TIAM1: variants seen among roughly 807,000 people sequenced by gnomAD.
TIAM1 encodes the protein TIAM Rac1 associated GEF 1, also known as rho guanine nucleotide exchange factor TIAM1.
Under a neutral mutation model 163.5 loss-of-function variants are expected in TIAM1, and 65 were observed. That is an observed-to-expected ratio of 0.40 (90% CI 0.33 to 0.49). The LOEUF (loss-of-function observed/expected upper bound fraction) is 0.49. TIAM1 is among the 20% of genes least tolerant of loss of function. TIAM1 has a pLI of 0.77. For missense variants in TIAM1, 1,789 were observed against 2,044.7 expected, an observed-to-expected ratio of 0.87 and a Z score of 2.41; for synonymous variants, 833 against 810.1, an observed-to-expected ratio of 1.03 and a Z score of -0.48.
rs193139136 is a variant in TIAM1, at chr21:31,295,287, G to C, written c.-188-18379C>G. Among the ~76,000 whole-genome samples the C allele has an allele frequency of 3.8e-3, 584 of 152,150 alleles. 5 individuals are homozygous for C. Among genetic ancestry groups the C allele is most frequent in the Non-Finnish European group, 6.7e-3 (456 of 68,000 alleles). On this transcript the variant is annotated intron_variant, in intron 2 of 27. Coordinates refer to ENST00000541036, the MANE Select transcript of TIAM1 (RefSeq NM_001353694.2). ...AAATCGAGACCATCCCGGCTAACAC[G>C]GTGAAACCCCGTCTCTACTAAAAAT...
intron 2 of TIAM1, among the ~76,000 whole-genome samples, chr21:31,449,436 T>G (rs1372425972): frequency 6.6e-6 from 1 of 152,164 alleles, no homozygotes; most frequent in African/African-American, 2.4e-5. Context: ...TGGAGTACAG[T>G]GGCACAATCT....
At chr21:31,393,782 C>T (rs1027350243) in intron 2 of TIAM1, among the ~76,000 whole-genome samples, 2 of 152,116 alleles carry the variant, frequency 1.3e-5, no homozygotes, top group African/African-American at 2.4e-5. Flanking sequence ...TCAGAATGCC[C>T]TAAATCTTTC....
chr21:31,468,808 A>AAT (rs1206271053), intron 1 of TIAM1, among the ~76,000 whole-genome samples: 1 of 151,974 alleles, frequency 6.6e-6, no homozygotes, highest in Non-Finnish European at 1.5e-5. Flanking sequence ...CGACGTGCTA[A>AAT]ATACTCTCAG....
chr21:31,480,863 C>G (rs140500243), intron 1 of TIAM1, among the ~76,000 whole-genome samples: 57 of 152,314 alleles, frequency 3.7e-4, no homozygotes, highest in African/African-American at 1.2e-3. Context: ...AGACAATTCT[C>G]CTGCCTCAGG....
chr21:31,400,826 C>T (rs948121102), intron 2 of TIAM1, among the ~76,000 whole-genome samples: 5 of 152,142 alleles, frequency 3.3e-5, no homozygotes, highest in African/African-American at 1.2e-4. Flanking sequence ...CACAGTGGCT[C>T]ATGCCTGTAA....
intron 2 of TIAM1, among the ~76,000 whole-genome samples, chr21:31,291,733 G>A (rs2074031377): frequency 6.6e-6 from 1 of 152,188 alleles, no homozygotes; most frequent in Non-Finnish European, 1.5e-5. Context: ...ATGTTGGCCA[G>A]GCTGGTCTTG....
chr21:31,394,801 C>T (rs1390383195), intron 2 of TIAM1, among the ~76,000 whole-genome samples: 1 of 151,548 alleles, frequency 6.6e-6, no homozygotes, highest in Non-Finnish European at 1.5e-5. Flanking sequence ...GGCAAACACA[C>T]AGGGCTCCTG....
intron 6 of TIAM1, among the ~76,000 whole-genome samples, chr21:31,236,833 C>A (rs1460136753): frequency 6.6e-6 from 1 of 152,126 alleles, no homozygotes; most frequent in Non-Finnish European, 1.5e-5. Context: ...ACACAGGATG[C>A]TGAGCGCCTG....
chr21:31,544,937 C>T (rs994304234), intron 1 of TIAM1, among the ~76,000 whole-genome samples: 3 of 152,012 alleles, frequency 2.0e-5, no homozygotes, highest in African/African-American at 7.3e-5. Flanking sequence ...GGCGTGAACC[C>T]GGGAGGCGGA....
intron 6 of TIAM1, among the ~76,000 whole-genome samples, chr21:31,234,615 TACAAA>T: frequency 6.6e-6 from 1 of 151,996 alleles, no homozygotes; most frequent in East Asian, 1.9e-4. Flanking sequence ...ACCCCGTCTC[TACAAA>T]AACCACAAAA....
At chr21:31,451,709 A>ATG (rs74745145) in intron 2 of TIAM1, among the ~76,000 whole-genome samples, 895 of 41,620 alleles carry the variant, frequency 0.022, 12 homozygotes, top group African/African-American at 0.046. Flanking sequence ...GAGTGAAAGC[A>ATG]TGTGTGTGCG....
At chr21:31,246,522 T>A (rs552132548) in intron 5 of TIAM1, among the ~76,000 whole-genome samples, 1 of 152,276 alleles carries the variant, frequency 6.6e-6, no homozygotes, top group African/African-American at 2.4e-5. Context: ...TGACTCTTCC[T>A]CAACTTCAAC....
chr21:31,489,330 A>G (rs1438492015), intron 1 of TIAM1, among the ~76,000 whole-genome samples: 2 of 119,582 alleles, frequency 1.7e-5, no homozygotes, highest in Non-Finnish European at 3.3e-5. Context: ...TGATTACACC[A>G]CTGCACTCCA....
intron 1 of TIAM1, among the ~76,000 whole-genome samples, chr21:31,505,101 C>A (rs188472989): frequency 1.3e-3 from 197 of 152,306 alleles, no homozygotes; most frequent in Admixed American, 2.2e-3. Context: ...CCTAAAGCAG[C>A]ATCCCATGGT....
Position 31,534,239 on chromosome 21 carries a change from T to C in TIAM1, c.-422+24688A>G, listed in dbSNP as rs76798591. Among the ~76,000 whole-genome samples the C allele has an allele frequency of 3.6e-3, 546 of 152,310 alleles. 2 individuals are homozygous for C. Among genetic ancestry groups the C allele is most frequent in the African/African-American group, 0.013 (521 of 41,570 alleles). On this transcript the variant is annotated intron_variant, in intron 1 of 28. Transcript: ENST00000286827. Reference sequence around the variant, plus strand: ...AGCCTAACATGCTGGCCAGGAGACATTGTCTTCTATGGATCTCCATGCCTT... The same window carrying C: ...AGCCTAACATGCTGGCCAGGAGACACTGTCTTCTATGGATCTCCATGCCTT...
At chr21:31,168,117 T>C (rs2084327648) in intron 15 of TIAM1, among the ~76,000 whole-genome samples, 2 of 150,984 alleles carry the variant, frequency 1.3e-5, no homozygotes, top group South Asian at 4.2e-4. Context: ...TTTGGAGACG[T>C]AGTTTCACTC....
At chr21:31,155,137 C>T (rs1693390448) in intron 16 of TIAM1, among the ~76,000 whole-genome samples, 1 of 152,254 alleles carries the variant, frequency 6.6e-6, no homozygotes, top group Non-Finnish European at 1.5e-5. Flanking sequence ...AGGGATGAAT[C>T]AGGTGTAGAC....
intron 9 of TIAM1, 102 bp from the exon 10 acceptor site, chr21:31,213,574 C>T: frequency 1.1e-6 from 1 of 934,388 alleles, no homozygotes; most frequent in Non-Finnish European, 1.7e-6. Flanking sequence ...CAAAACCTTA[C>T]ACACGTGTTC....
rs193155587 is a variant in TIAM1, at chr21:31,267,635, A to T, written c.-11-652T>A. ...TCCTAGTAAATCAAAGTCAAAAATT[A>T]AAAAAAAAAAGCTTTGACCTTTAAT... On this transcript the variant is annotated intron_variant, in intron 3 of 27. Transcript: ENST00000541036. Among the ~76,000 whole-genome samples, 77 of 144,454 alleles carry T rather than the reference A, an allele frequency of 5.3e-4. No homozygotes were observed. In the East Asian group the frequency reaches 0.012, roughly 22 times the overall value. 94.8% of individuals were successfully genotyped at this position (144,454 alleles called of 152,430 possible).
Sources: allele counts gnomAD v4.1 joint callset (sites outside exome capture counted in the v4.1 genomes callset), GRCh38; gene constraint gnomAD v4.1.1; transcripts MANE v1.5; gene names NCBI Gene and HGNC (gene_info 2026-07-23, HGNC 2026-07-21).